SEMA4D: variants seen among roughly 807,000 people sequenced by gnomAD.
The protein encoded by SEMA4D is semaphorin 4D, also known as semaphorin-4D.
A neutral mutation model predicts 74.8 loss-of-function variants in SEMA4D; 22 were observed. The ratio of observed to expected loss-of-function variants is 0.29; its 90% confidence interval spans 0.21 to 0.42. The LOEUF (loss-of-function observed/expected upper bound fraction) is 0.42, where lower values mean the gene tolerates loss of function less well. SEMA4D is among the 10% of genes least tolerant of loss of function. SEMA4D has a pLI of 1.00. For missense variants in SEMA4D, 937 were observed against 1,118.4 expected (o/e 0.84, Z 2.31); for synonymous variants, 445 against 463.7 (o/e 0.96, Z 0.52).
intron 1 of SEMA4D, among the ~76,000 whole-genome samples, chr9:89,489,673 G>A (rs1390025950): frequency 6.6e-6 from 1 of 152,228 alleles, no homozygotes; most frequent in Non-Finnish European, 1.5e-5. Context: ...ATTGTAGCAT[G>A]TATCAGCGCT....
chr9:89,409,825 A>G (rs1485515503), intron 2 of SEMA4D, among the ~76,000 whole-genome samples: 1 of 152,170 alleles, frequency 6.6e-6, no homozygotes, highest in Non-Finnish European at 1.5e-5. Flanking sequence ...CCCAACTGCA[A>G]TCAGTCCTCT....
intron 2 of SEMA4D, among the ~76,000 whole-genome samples, chr9:89,409,272 GGAGA>G (rs1480574360): frequency 6.6e-6 from 1 of 152,198 alleles, no homozygotes; most frequent in East Asian, 1.9e-4. Context: ...CAGGGGCTGG[GGAGA>G]GAGAGGGTTT....
intron 9 of SEMA4D, 121 bp from the exon 10 acceptor site, chr9:89,389,168 G>C: frequency 1.0e-6 from 1 of 993,392 alleles, no homozygotes; most frequent in Non-Finnish European, 1.5e-6. Flanking sequence ...CTGAAACAAA[G>C]CTCGGGCAAC....
intron 2 of SEMA4D, among the ~76,000 whole-genome samples, chr9:89,428,752 G>A (rs1056761631): frequency 6.6e-6 from 1 of 152,376 alleles, no homozygotes; most frequent in East Asian, 1.9e-4. Flanking sequence ...ACCTCCAGGG[G>A]CAGGGTGACA....
rs200460697 is a variant in SEMA4D, at chr9:89,391,365, C to A, written c.673G>T (p.Asp225Tyr). 8.1e-6 allele frequency: 13 copies of A among 1,614,134 alleles called. No homozygotes were observed. Among genetic ancestry groups the A allele is most frequent in the Non-Finnish European group, 1.0e-5 (12 of 1,180,054 alleles). Residue 225 changes from aspartate (D) to tyrosine (Y), a missense_variant, in exon 9 of 16, where the codon GAC becomes TAC. Asp to Tyr is a radical substitution (Grantham distance 160). Transcript: ENST00000422704. ...DVIRKSPDSPDGEDDRVYFFF... is the reference protein window; with the variant it reads ...DVIRKSPDSPYGEDDRVYFFF... ...AAGTAGACCCTGTCATCCTCGCCGT[C>A]GGGGCTGTCTGGGCTTTTTCGGATC...
At chr9:89,380,125 C>A (rs187043008) in intron 15 of SEMA4D, among the ~76,000 whole-genome samples, 5 of 151,806 alleles carry the variant, frequency 3.3e-5, no homozygotes, top group African/African-American at 4.8e-5. Context: ...TTCAACCCCC[C>A]CAGCTCAAGG....
chr9:89,444,398 G>T (rs960800644), intron 2 of SEMA4D, among the ~76,000 whole-genome samples: 10 of 152,180 alleles, frequency 6.6e-5, no homozygotes, highest in Non-Finnish European at 8.8e-5. Context: ...CACATGAGGG[G>T]ACTCCTCCCA....
intron 13 of SEMA4D, chr9:89,384,526 T>C (rs1312478171): frequency 2.5e-6 from 1 of 395,596 alleles, no homozygotes; most frequent in African/African-American, 2.2e-5. Flanking sequence ...AAGCTTCTGT[T>C]TGGGAAGATG....
At chr9:89,392,589 G>T in intron 7 of SEMA4D, 53 bp from the exon 8 acceptor site, 1 of 1,088,604 alleles carries the variant, frequency 9.2e-7, no homozygotes, top group Admixed American at 1.7e-5. Context: ...TCAGGCTATG[G>T]CACCAACACT....
At chr9:89,419,874 G>A (rs530085824) in intron 2 of SEMA4D, among the ~76,000 whole-genome samples, 2 of 152,166 alleles carry the variant, frequency 1.3e-5, no homozygotes, top group South Asian at 2.1e-4. Flanking sequence ...CCAAGATCGC[G>A]CCATTGCACT....
intron 2 of SEMA4D, among the ~76,000 whole-genome samples, chr9:89,408,882 C>T (rs888517716): frequency 6.6e-6 from 1 of 152,230 alleles, no homozygotes; most frequent in Non-Finnish European, 1.5e-5. Context: ...CAACCTCTCT[C>T]GTGGCATGTC....
chr9:89,495,153 T>C (rs1825909677), intron 1 of SEMA4D, among the ~76,000 whole-genome samples: 1 of 152,064 alleles, frequency 6.6e-6, no homozygotes, highest in South Asian at 2.1e-4. Context: ...CCACTGAGGT[T>C]TGCACAGGTG....
At chr9:89,462,955 G>GGA (rs1857647245) in intron 1 of SEMA4D, among the ~76,000 whole-genome samples, 2 of 6,842 alleles carry the variant, frequency 2.9e-4, no homozygotes, top group South Asian at 5.5e-3. Flanking sequence ...AGAAAGGAGG[G>GGA]GGGAGCGAGC....
intron 1 of SEMA4D, among the ~76,000 whole-genome samples, chr9:89,474,607 T>C (rs758870250): frequency 3.3e-5 from 5 of 152,208 alleles, no homozygotes; most frequent in African/African-American, 1.2e-4. Context: ...CACTTCATTA[T>C]CGTTTTCAAG....
intron 16 of SEMA4D, chr9:89,369,609 T>C (rs1351075547): frequency 2.0e-5 from 3 of 152,248 alleles, no homozygotes; most frequent in African/African-American, 7.2e-5. Context: ...TCGCTATTGA[T>C]CCTTACGTTT....
At position 89,378,162 on chromosome 9, in the gene SEMA4D, A is replaced by G. The variant is rs1343631443; in HGVS notation, c.*542T>C. On this transcript the variant is annotated 3_prime_UTR_variant, in exon 16 of 16. Coordinates refer to ENST00000422704, the MANE Select transcript of SEMA4D (RefSeq NM_001371194.2). ...TACATCTTCTTCTAAATATTAACACAACTGCTTCTGTAACTAAAAAAAAAT... is the reference window on the plus strand; with the variant it reads ...TACATCTTCTTCTAAATATTAACACGACTGCTTCTGTAACTAAAAAAAAAT... 5.9e-5 allele frequency: 9 copies of G among 153,150 alleles called. No homozygotes were observed. 9.5% of individuals were successfully genotyped at this position (153,150 alleles called of 1,614,324 possible).
At chr9:89,447,868 A>G (rs1213467039) in intron 2 of SEMA4D, among the ~76,000 whole-genome samples, 1 of 152,024 alleles carries the variant, frequency 6.6e-6, no homozygotes, top group Non-Finnish European at 1.5e-5. Context: ...CCCCATGCAT[A>G]CGGTGCTCCT....
At chr9:89,497,354 CT>C (rs1826101260) in intron 1 of SEMA4D, 1 of 152,530 alleles carries the variant, frequency 6.6e-6, no homozygotes, top group Admixed American at 6.5e-5. Context: ...GACCTGACCA[CT>C]GCGGCCCAAC....
chr9:89,371,932 G>C (rs879251783), intron 16 of SEMA4D, among the ~76,000 whole-genome samples: 3 of 118,078 alleles, frequency 2.5e-5, no homozygotes, highest in South Asian at 2.7e-4. Context: ...TGTGGTGTGT[G>C]TGGGGTGTGG....
Sources: gnomAD v4.1 joint callset for allele counts (sites outside exome capture counted in the v4.1 genomes callset) on GRCh38, gnomAD v4.1.1 for gene constraint, MANE v1.5 for transcripts, NCBI Gene and HGNC (gene_info 2026-07-23, HGNC 2026-07-21) for gene names.